The following MED25 variants were observed in gnomAD, a reference collection of about 807,000 sequenced individuals.
The protein encoded by MED25 is mediator of RNA polymerase II transcription subunit 25.
A neutral mutation model predicts 89.4 loss-of-function variants in MED25; 62 were observed. That is an observed-to-expected ratio of 0.69 (90% CI 0.57 to 0.86). MED25 has a LOEUF of 0.86. MED25 is among the 40% of genes least tolerant of loss of function. MED25 has a pLI of 0.00. For synonymous variants in MED25, 449 were observed against 427.9 expected (o/e 1.05, Z -0.61); for missense variants, 905 against 1,005.2 (o/e 0.90, Z 1.35).
Position 49,836,554 on chromosome 19 carries a change from C to T in MED25, c.2146+148C>T. ...CATGGCCTTTGCGGAGCTCTGAGGG[C>T]TCCGGGAAAGTACAGCCCATGGGTC... On this transcript the variant is annotated intron_variant, in intron 17 of 17. Transcript: ENST00000312865. The surrounding 1 kb of genome is among the most constrained non-coding windows in gnomAD (Gnocchi z 5.1). 1.9e-6 allele frequency: 2 copies of T among 1,038,856 alleles called. No individual in the cohort carries two copies. Among genetic ancestry groups the T allele is most frequent in the South Asian group, 1.4e-5 (1 of 73,170 alleles). The allele number at this position is 1,038,856 out of a possible 1,614,324, so 64.4% of individuals were successfully genotyped here.
Position 49,836,414 on chromosome 19 carries a change from G to C in MED25, c.2146+8G>C, listed in dbSNP as rs1457257440. The C allele has an allele frequency of 1.3e-6, 2 of 1,580,482 alleles. No homozygotes were observed. The highest frequency in any genetic ancestry group is 1.8e-5 in the Admixed American group (1 of 55,888). On this transcript the variant is annotated splice_region_variant and intron_variant, in intron 17 of 17. Coordinates refer to ENST00000312865, the MANE Select transcript of MED25 (RefSeq NM_030973.4). The surrounding 1 kb of genome is among the most constrained non-coding windows in gnomAD (Gnocchi z 5.1). Reference sequence around the variant, plus strand: ...CTCGGGCTCCACTGCCAGGTAAGGGGACCCGGGGGAGGGCAGAGGTCTGGA... The same window carrying C: ...CTCGGGCTCCACTGCCAGGTAAGGGCACCCGGGGGAGGGCAGAGGTCTGGA...
At position 49,831,982 on chromosome 19, in the gene MED25, C is replaced by A; in HGVS notation, c.1277C>A (p.Ser426Ter). The A allele has an allele frequency of 6.2e-7, 1 of 1,614,106 alleles. No individual in the cohort carries two copies. The highest frequency in any genetic ancestry group is 1.1e-5 in the South Asian group (1 of 91,082). ...GATGCCAACACCAAGCTGACGCGGT[C>A]ACTGCCCTGCCAGGTCTACGTGAAT... Reference protein sequence around the residue: ...SVDANTKLTRSLPCQVYVNHG... With the variant: ...SVDANTKLTR The change falls in exon 11 of 18, where the codon TCA (serine) becomes TAA (stop). Residue 426 changes from serine (S) to a stop codon, truncating the protein, a stop_gained. Transcript: ENST00000312865. LOFTEE classifies it high-confidence loss of function. The surrounding 1 kb of genome is among the most constrained non-coding windows in gnomAD (Gnocchi z 5.0).
Position 49,830,027 on chromosome 19 carries a change from TCTC to T in MED25, c.689-58_689-56del. On this transcript the variant is annotated intron_variant, in intron 6 of 17. Transcript: ENST00000312865. The surrounding 1 kb of genome is among the most constrained non-coding windows in gnomAD (Gnocchi z 4.6). ...CCCTCTGACTTGGATTTTGGATTTC[TCTC>T]CTTTCTCTGCATCTTGAATCCCTTC... 1 of 1,596,516 alleles carries T rather than the reference TCTC, an allele frequency of 6.3e-7. No individual in the cohort carries two copies. Among genetic ancestry groups the T allele is most frequent in the Non-Finnish European group, 8.5e-7 (1 of 1,170,682 alleles).
intron 11 of MED25, 38 bp from the exon 12 acceptor site, chr19:49,832,062 T>C: frequency 2.5e-6 from 4 of 1,613,308 alleles, no homozygotes; most frequent in Non-Finnish European, 3.4e-6. Context: ...GGGCTGGGGC[T>C]GGCCCCCTCC....
intron 3 of MED25, among the ~76,000 whole-genome samples, chr19:49,826,201 C>A (rs1001168847): frequency 1.3e-5 from 2 of 152,112 alleles, no homozygotes; most frequent in Middle Eastern, 3.2e-3. Context: ...ATTAGCCGGG[C>A]GTGGTGGCGG....
rs750459702 is a variant in MED25, at chr19:49,818,568, C to T, written c.135-3C>T. ...TCCGACCTTTCACTTCCTACCCTCA[C>T]AGGTATTTTAATGGTGGTCCTCCTG... On this transcript the variant is annotated splice_polypyrimidine_tract_variant and splice_region_variant and intron_variant, in intron 1 of 17. Coordinates refer to ENST00000312865, the MANE Select transcript of MED25 (RefSeq NM_030973.4). 1.1e-5 allele frequency: 17 copies of T among 1,614,066 alleles called. No individual in the cohort carries two copies. The Middle Eastern group carries it at 1.6e-3, about 156-fold the overall frequency.
chr19:49,838,134 A>G (rs1019558401), downstream of MED25, among the ~76,000 whole-genome samples: 8 of 152,138 alleles, frequency 5.3e-5, no homozygotes, highest in African/African-American at 1.9e-4. Flanking sequence ...ATCATTTTGC[A>G]TGCTGGTTAA....
At chr19:49,819,006 G>A (rs1158036253) in intron 2 of MED25, 166 bp from the exon 3 acceptor site, 2 of 851,122 alleles carry the variant, frequency 2.3e-6, no homozygotes, top group African/African-American at 1.7e-5. Context: ...TGGATTCCTG[G>A]GTCTGAGGGA....
Position 49,818,459 on chromosome 19 carries a change from C to G in MED25, c.118C>G (p.Leu40Val). The G allele has an allele frequency of 6.2e-7, 1 of 1,614,200 alleles. No homozygotes were observed. Among genetic ancestry groups the G allele is most frequent in the Non-Finnish European group, 8.5e-7 (1 of 1,180,040 alleles). The part of the protein sequence containing the change: ...PYFEGLRKHY[L>V]LPAIEYFNGG... ...CTTCGAGGGGCTCCGCAAGCACTAC[C>G]TGCTCCCGGCCATCGAGTGAGTGCT... Residue 40 changes from leucine (L) to valine (V), a missense_variant, in exon 1 of 18, where the codon CTG (leucine) becomes GTG (valine). By Grantham distance (32) the Leu-to-Val change is conservative (BLOSUM62 1). Coordinates refer to ENST00000312865, the MANE Select transcript of MED25 (RefSeq NM_030973.4).
At chr19:49,821,014 T>G (rs2073978041) in intron 3 of MED25, among the ~76,000 whole-genome samples, 1 of 152,250 alleles carries the variant, frequency 6.6e-6, no homozygotes, top group Admixed American at 6.5e-5. Context: ...CTGCAAACAT[T>G]TATTATCTAA....
At chr19:49,839,807 C>G (rs2074122415), downstream of MED25, 1 of 152,210 alleles carries the variant, frequency 6.6e-6, no homozygotes, top group South Asian at 2.1e-4. Context: ...CACCTACGTC[C>G]TGGGGTTGAA....
intron 3 of MED25, 120 bp from the exon 4 acceptor site, chr19:49,828,329 G>A (rs781093796): frequency 8.1e-6 from 6 of 743,582 alleles, no homozygotes; most frequent in South Asian, 2.9e-5. Context: ...CAGGGTCCCC[G>A]TCATCCCAAG....
intron 1 of MED25, 30 bp downstream of exon 1, chr19:49,818,505 G>A: frequency 6.2e-7 from 1 of 1,614,176 alleles, no homozygotes; most frequent in Non-Finnish European, 8.5e-7. Context: ...CTCTAACCCC[G>A]CCCTCCCACT....
chr19:49,820,569 A>T (rs2073975063), intron 3 of MED25, among the ~76,000 whole-genome samples: 2 of 152,240 alleles, frequency 1.3e-5, no homozygotes, highest in Admixed American at 1.3e-4. Context: ...CTCATTCCAT[A>T]AAACAAAGGA....
chr19:49,836,188 T>C lies in MED25; in HGVS notation c.1966-38T>C, dbSNP rs1216161417. ...TCTGTGTTGAGAGGTGGGGAGTCTC[T>C]ACCAGGAGCCTCTGAGCCACTCTCT... On this transcript the variant is annotated intron_variant, in intron 16 of 17. Coordinates refer to ENST00000312865, the MANE Select transcript of MED25 (RefSeq NM_030973.4). This position sits in a 1 kb window ranked among gnomAD's most constrained non-coding sequence, Gnocchi z 5.1. 1 of 1,604,736 alleles carries C rather than the reference T, an allele frequency of 6.2e-7. No homozygotes were observed. The highest frequency in any genetic ancestry group is 1.7e-5 in the Admixed American group (1 of 59,836).
chr19:49,821,904 G>A (rs1323390383), intron 3 of MED25, among the ~76,000 whole-genome samples: 1 of 150,832 alleles, frequency 6.6e-6, no homozygotes, highest in Admixed American at 6.6e-5. Flanking sequence ...CAAGGCGGGC[G>A]AATCACCTGA....
In MED25 at chr19:49,821,283, A is replaced by G. The variant is rs190390542; in HGVS notation, c.305+1987A>G. Among the ~76,000 whole-genome samples, 869 of 152,302 alleles carry G rather than the reference A, an allele frequency of 5.7e-3. 2 individuals are homozygous for G. The highest frequency in any genetic ancestry group is 0.031 in the Middle Eastern group (9 of 294). The stretch of plus-strand genomic sequence containing the variant: ...ATAGAGAGAGCAAAGAGGAAGCCCC[A>G]GGCCTCTCTTGTTTTTGAGGAAGGG... On this transcript the variant is annotated intron_variant, in intron 3 of 17. Coordinates refer to ENST00000312865, the MANE Select transcript of MED25 (RefSeq NM_030973.4).
rs780768945 is a variant in MED25 at position 49,830,877 on chromosome 19, C to T, written c.1091C>T (p.Ala364Val). 6 of 1,610,220 alleles carry T rather than the reference C, an allele frequency of 3.7e-6. No individual in the cohort carries two copies. The highest frequency in any genetic ancestry group is 3.3e-5 in the South Asian group (3 of 91,072). The change falls in exon 9 of 18, where the codon GCA becomes GTA. Residue 364 changes from alanine (A) to valine (V), a missense_variant. Physicochemically the swap from Ala to Val is moderately conservative, Grantham distance 64. Coordinates refer to ENST00000312865, the MANE Select transcript of MED25 (RefSeq NM_030973.4). The surrounding 1 kb of genome is among the most constrained non-coding windows in gnomAD (Gnocchi z 4.6). ...CTGGCTCCCACGGCACAGCCCGGGG[C>T]ACCGTCCATGGTAGGTGCCTGCACG... Reference protein sequence around the residue: ...SGLAPTAQPGAPSMAGTVAPG... With the variant: ...SGLAPTAQPGVPSMAGTVAPG...
chr19:49,828,572 G>T, intron 4 of MED25, 25 bp downstream of exon 4: 1 of 1,572,954 alleles, frequency 6.4e-7, no homozygotes, highest in Non-Finnish European at 8.7e-7. Flanking sequence ...CACCCAGGCC[G>T]GGCCGGTCTC....
Sources: allele counts gnomAD v4.1 joint callset (sites outside exome capture counted in the v4.1 genomes callset), GRCh38; gene constraint gnomAD v4.1.1; non-coding constraint Gnocchi (gnomAD v3.1); transcripts MANE v1.5; gene names NCBI Gene and HGNC (gene_info 2026-07-23, HGNC 2026-07-21).